The following KIF3C variants were observed in gnomAD, a reference collection of about 807,000 sequenced individuals.
KIF3C encodes kinesin family member 3C, also known as kinesin-like protein KIF3C.
Under a neutral mutation model 67.7 loss-of-function variants are expected in KIF3C, and 12 were observed. The observed-to-expected ratio is 0.18, with a 90% confidence interval of 0.11 to 0.29. The LOEUF is 0.29. Ranked by LOEUF, KIF3C falls within the 10% of genes least tolerant of loss-of-function variation. The pLI, the probability that KIF3C is intolerant of heterozygous loss-of-function variation, is 1.00. For synonymous variants in KIF3C, 393 were observed against 426.2 expected, an observed-to-expected ratio of 0.92 and a Z score of 0.96; for missense variants, 789 against 1,059.6, an observed-to-expected ratio of 0.74 and a Z score of 3.55.
intron 5 of KIF3C, among the ~76,000 whole-genome samples, chr2:25,936,012 G>C (rs1263837243): frequency 6.6e-6 from 1 of 151,788 alleles, no homozygotes; most frequent in Non-Finnish European, 1.5e-5. Context: ...GCTTGAACCC[G>C]GGAGGCGGAG....
chr2:25,944,191 G>GCATGTGCTAATGCCTGGCTAACTTTT (rs1663367759), intron 5 of KIF3C, among the ~76,000 whole-genome samples: 1 of 152,030 alleles, frequency 6.6e-6, no homozygotes. Flanking sequence ...GGGATTACAG[G>GCATGTGCTAATGCCTGGCTAACTTTT]TGTGATCCAC....
chr2:25,929,043 A>AAGGTGGAG lies in KIF3C; in HGVS notation c.2309_2316dup (p.Ser773LeufsTer35). ...GAGGCCAGGGAGGCATGTGTGGTGGAAGGTGGAGGCCGCTGAGGACTCTGG... is the reference window on the plus strand; with the variant it reads ...GAGGCCAGGGAGGCATGTGTGGTGGAAGGTGGAGAGGTGGAGGCCGCTGAGGACTCTGG... On this transcript the variant is annotated frameshift_variant, in exon 8 of 8. Transcript: ENST00000264712. LOFTEE classifies it high-confidence loss of function. 6.2e-7 allele frequency: 1 copy of AAGGTGGAG among 1,613,708 alleles called. No homozygotes were observed. The highest frequency in any genetic ancestry group is 8.5e-7 in the Non-Finnish European group (1 of 1,179,894).
intron 5 of KIF3C, 46 bp downstream of exon 5, chr2:25,951,743 T>C: frequency 7.5e-7 from 1 of 1,327,782 alleles, no homozygotes; most frequent in Non-Finnish European, 1.1e-6. Flanking sequence ...CGACCTGGAG[T>C]GGACCCACAA....
intron 4 of KIF3C, among the ~76,000 whole-genome samples, chr2:25,953,979 T>G (rs1389431370): frequency 2.0e-5 from 3 of 152,188 alleles, no homozygotes. Flanking sequence ...AAAAATAATT[T>G]TTAAAAAATT....
chr2:25,965,074 A>C (rs1664105961), intron 1 of KIF3C, among the ~76,000 whole-genome samples: 2 of 152,196 alleles, frequency 1.3e-5, no homozygotes, highest in South Asian at 4.1e-4. Context: ...CCGTCTGTCC[A>C]ATGCCCCTGT....
At chr2:25,951,217 C>A (rs573019385) in intron 5 of KIF3C, among the ~76,000 whole-genome samples, 1 of 152,070 alleles carries the variant, frequency 6.6e-6, no homozygotes. Flanking sequence ...AGCCAATGGC[C>A]GCAGCTGCAC....
intron 5 of KIF3C, among the ~76,000 whole-genome samples, chr2:25,939,162 T>G (rs545172179): frequency 6.6e-6 from 1 of 152,230 alleles, no homozygotes; most frequent in East Asian, 1.9e-4. Flanking sequence ...GAGACGGGGT[T>G]TTGCCATGTT....
intron 1 of KIF3C, among the ~76,000 whole-genome samples, chr2:25,971,980 C>T (rs1664298354): frequency 6.7e-6 from 1 of 149,570 alleles, no homozygotes; most frequent in Non-Finnish European, 1.5e-5. Context: ...TCCTACCTCA[C>T]CCTCCCAATA....
chr2:25,929,114 TACAGGAA>T, intron 7 of KIF3C, 43 bp from the exon 8 acceptor site: 1 of 1,562,164 alleles, frequency 6.4e-7, no homozygotes, highest in African/African-American at 1.4e-5. Context: ...GTTAGGGAAA[TACAGGAA>T]ACAGGAAAGT....
At chr2:25,962,207 C>T (rs1422733738) in intron 1 of KIF3C, among the ~76,000 whole-genome samples, 1 of 152,118 alleles carries the variant, frequency 6.6e-6, no homozygotes, top group Non-Finnish European at 1.5e-5. Context: ...GGAGGAAATA[C>T]CAGTCTATTA....
intron 1 of KIF3C, among the ~76,000 whole-genome samples, chr2:25,973,197 C>G (rs1664323215): frequency 1.3e-5 from 2 of 152,110 alleles, no homozygotes; most frequent in African/African-American, 4.8e-5. Flanking sequence ...TCGGTCTCTC[C>G]TTGAACACTT....
At chr2:25,935,770 T>A (rs925362605) in intron 5 of KIF3C, among the ~76,000 whole-genome samples, 2 of 152,124 alleles carry the variant, frequency 1.3e-5, no homozygotes, top group Admixed American at 6.6e-5. Flanking sequence ...GAACTTTATG[T>A]AGTCAATAAA....
chr2:25,973,362 C>T (rs1267660531), intron 1 of KIF3C, among the ~76,000 whole-genome samples: 4 of 152,024 alleles, frequency 2.6e-5, no homozygotes, highest in Admixed American at 6.6e-5. Flanking sequence ...AAGACCAGCC[C>T]GGACAACATG....
At chr2:25,978,509 G>C (rs1025728222) in intron 1 of KIF3C, among the ~76,000 whole-genome samples, 8 of 152,112 alleles carry the variant, frequency 5.3e-5, no homozygotes, top group Non-Finnish European at 1.0e-4. Flanking sequence ...CAAAGCTCCT[G>C]CCAACTCTAA....
At chr2:25,975,020 C>G (rs375583911) in intron 1 of KIF3C, among the ~76,000 whole-genome samples, 1 of 88,806 alleles carries the variant, frequency 1.1e-5, no homozygotes, top group Non-Finnish European at 2.4e-5. Flanking sequence ...AAGTGAAACT[C>G]CATCTCAAAA....
chr2:25,954,145 C>T, intron 4 of KIF3C, 122 bp downstream of exon 4: 2 of 750,198 alleles, frequency 2.7e-6, no homozygotes, highest in Admixed American at 1.9e-5. Flanking sequence ...CCCTCAGACG[C>T]ATTTTATTCC....
At chr2:25,971,043 C>T (rs191597424) in intron 1 of KIF3C, among the ~76,000 whole-genome samples, 3 of 150,366 alleles carry the variant, frequency 2.0e-5, no homozygotes, top group Admixed American at 6.7e-5. Flanking sequence ...GAGGCCGAGG[C>T]GGGCGGATCA....
rs191371130 is a variant in KIF3C at position 25,955,534 on chromosome 2, G to A, written c.1770+7C>T. The A allele has an allele frequency of 5.7e-5, 92 of 1,613,912 alleles. No homozygotes were observed. The highest frequency in any genetic ancestry group is 8.9e-5 in the East Asian group (4 of 44,854). Reference sequence around the variant, plus strand: ...ACACCTTAACCGGTCCTGCTGCAGCGTCTCACCTTCTTGAGTTTCTTGGTT... The same window carrying A: ...ACACCTTAACCGGTCCTGCTGCAGCATCTCACCTTCTTGAGTTTCTTGGTT... On this transcript the variant is annotated splice_region_variant and intron_variant, in intron 3 of 7. Transcript: ENST00000264712. The surrounding 1 kb of genome is among the most constrained non-coding windows in gnomAD (Gnocchi z 5.0).
intron 1 of KIF3C, among the ~76,000 whole-genome samples, chr2:25,975,699 C>T (rs1365894977): frequency 6.6e-6 from 1 of 152,138 alleles, no homozygotes; most frequent in Admixed American, 6.6e-5. Context: ...TGGCTCAGGC[C>T]TGTAATCCCA....
Sources: gnomAD v4.1 joint callset for allele counts (sites outside exome capture counted in the v4.1 genomes callset) on GRCh38, gnomAD v4.1.1 for gene constraint, Gnocchi (gnomAD v3.1) non-coding constraint, MANE v1.5 for transcripts, NCBI Gene and HGNC (gene_info 2026-07-23, HGNC 2026-07-21) for gene names.